The following PKP4 variants were observed in gnomAD, a reference collection of about 807,000 sequenced individuals.
PKP4 encodes the protein plakophilin 4, also known as plakophilin-4.
PKP4 carries 90 observed loss-of-function variants against 145.1 expected under a neutral mutation model. The ratio of observed to expected loss-of-function variants is 0.62; its 90% confidence interval spans 0.52 to 0.74. The LOEUF is 0.74. PKP4 is among the 30% of genes least tolerant of loss of function. The probability of loss-of-function intolerance (pLI) is 0.00; values close to 1 mark genes in which losing one functional copy is unlikely to be tolerated. For missense variants in PKP4, 1,340 were observed against 1,482.7 expected, an observed-to-expected ratio of 0.90 and a Z score of 1.58; for synonymous variants, 563 against 577.2, an observed-to-expected ratio of 0.98 and a Z score of 0.35.
chr2:158,512,404 T>C (rs541700872), intron 1 of PKP4, among the ~76,000 whole-genome samples: 5 of 152,336 alleles, frequency 3.3e-5, no homozygotes, highest in African/African-American at 1.2e-4. Context: ...ATACAGTGCA[T>C]GAGCACAGCC....
At chr2:158,461,043 A>T (rs1205236801) in intron 1 of PKP4, among the ~76,000 whole-genome samples, 1 of 152,238 alleles carries the variant, frequency 6.6e-6, no homozygotes, top group Non-Finnish European at 1.5e-5. Flanking sequence ...TCAGCAGGTC[A>T]GTTCGATGCT....
chr2:158,625,180 A>C lies in PKP4; in HGVS notation c.906A>C (p.Pro302=), dbSNP rs753921796. ...GGCAGACCTCCAATCCCAACGGACCAACCCCTCAATACCAAACCACCGCCA... is the reference window on the plus strand; with the variant it reads ...GGCAGACCTCCAATCCCAACGGACCCACCCCTCAATACCAAACCACCGCCA... The part of the protein sequence containing the change: ...TSRQTSNPNG[P]TPQYQTTARV... Residue 302 remains proline (P), a synonymous_variant, in exon 7 of 22, where the codon CCA becomes CCC. Coordinates refer to ENST00000389759, the MANE Select transcript of PKP4 (RefSeq NM_003628.6). 1 of 1,614,100 alleles carries C rather than the reference A, an allele frequency of 6.2e-7. No individual in the cohort carries two copies. Among genetic ancestry groups the C allele is most frequent in the Admixed American group, 1.7e-5 (1 of 60,018 alleles).
At chr2:158,537,097 G>A (rs1046342843) in intron 2 of PKP4, among the ~76,000 whole-genome samples, 7 of 152,072 alleles carry the variant, frequency 4.6e-5, no homozygotes, top group African/African-American at 1.7e-4. Flanking sequence ...ACCAACTTGC[G>A]GTTTTATTAA....
chr2:158,519,145 C>CT (rs200077006), intron 1 of PKP4, among the ~76,000 whole-genome samples: 12,654 of 145,582 alleles, frequency 0.087, 713 homozygotes, highest in Middle Eastern at 0.21. Context: ...AAATCTCTCT[C>CT]TTTTTTTTTT....
At chr2:158,636,044 TGTGA>T (rs1398634036) in intron 9 of PKP4, among the ~76,000 whole-genome samples, 1 of 152,182 alleles carries the variant, frequency 6.6e-6, no homozygotes, top group Non-Finnish European at 1.5e-5. Flanking sequence ...AAAGGAAATC[TGTGA>T]GTTTTTTTAT....
rs562554933 is a variant in PKP4, at chr2:158,457,216, A to C, written c.-8A>C. On this transcript the variant is annotated splice_region_variant and 5_prime_UTR_variant, in exon 1 of 22. Coordinates refer to ENST00000389759, the MANE Select transcript of PKP4 (RefSeq NM_003628.6). ...CGACGACGGCCGCTGCCTAAGCTGG[A>C]AAGTAAGTGTGTGGGCTCGCGGGAG... is the stretch of plus-strand genomic sequence containing the variant. The C allele has an allele frequency of 2.1e-3, 318 of 151,410 alleles. 1 individual carries two copies. Among genetic ancestry groups the C allele is most frequent in the African/African-American group, 6.9e-3 (286 of 41,224 alleles). 9.4% of individuals were successfully genotyped at this position (151,410 alleles called of 1,614,324 possible).
intron 2 of PKP4, among the ~76,000 whole-genome samples, chr2:158,560,994 G>T (rs1213361532): frequency 6.6e-6 from 1 of 152,192 alleles, no homozygotes; most frequent in Non-Finnish European, 1.5e-5. Flanking sequence ...GTGGCCTACC[G>T]GCTGAATCTG....
chr2:158,548,822 AC>A, intron 2 of PKP4: 2 of 233,696 alleles, frequency 8.6e-6, no homozygotes, highest in South Asian at 5.5e-5. Flanking sequence ...CCATTAAGAG[AC>A]CACCTGTCCT....
At chr2:158,489,350 A>G (rs769452251) in intron 1 of PKP4, among the ~76,000 whole-genome samples, 12 of 152,168 alleles carry the variant, frequency 7.9e-5, no homozygotes, top group Admixed American at 1.3e-4. Flanking sequence ...AATCATTTCA[A>G]GTTTGTGTCC....
At position 158,525,839 on chromosome 2, in the gene PKP4, G is replaced by A. The variant is rs920185572; in HGVS notation, c.-5-7341G>A. ...CCCACAGAAATACAAACTACCATCA[G>A]AGAATACTACAAACACCTCTACGCA... is the stretch of plus-strand genomic sequence containing the variant. On this transcript the variant is annotated intron_variant, in intron 1 of 21. Coordinates refer to ENST00000389759, the MANE Select transcript of PKP4 (RefSeq NM_003628.6). Among the ~76,000 whole-genome samples, 1,291 of 147,628 alleles carry A rather than the reference G, an allele frequency of 8.7e-3. 21 individuals are homozygous for A. The highest frequency in any genetic ancestry group is 0.03 in the African/African-American group (1,185 of 39,906).
intron 7 of PKP4, among the ~76,000 whole-genome samples, chr2:158,626,938 G>A (rs1296981173): frequency 6.6e-6 from 1 of 151,824 alleles, no homozygotes; most frequent in Admixed American, 6.6e-5. Context: ...TTTCATTTTG[G>A]TTTTAATTTA....
chr2:158,601,899 G>C (rs890874071), intron 3 of PKP4, among the ~76,000 whole-genome samples: 8 of 152,064 alleles, frequency 5.3e-5, no homozygotes, highest in African/African-American at 1.9e-4. Context: ...GCACTAAAAG[G>C]ACGGTTCTTC....
chr2:158,615,198 A>AT (rs36018037), intron 4 of PKP4, among the ~76,000 whole-genome samples: 7 of 151,566 alleles, frequency 4.6e-5, no homozygotes, highest in African/African-American at 1.2e-4. Flanking sequence ...ATATTTGGTA[A>AT]TTTTTTTTCC....
At chr2:158,521,554 C>T (rs2042374266) in intron 1 of PKP4, among the ~76,000 whole-genome samples, 1 of 152,148 alleles carries the variant, frequency 6.6e-6, no homozygotes, top group Non-Finnish European at 1.5e-5. Context: ...TATGAACCGC[C>T]TGATTAGAAG....
chr2:158,570,140 AT>A (rs913316699), intron 2 of PKP4, among the ~76,000 whole-genome samples: 1 of 152,208 alleles, frequency 6.6e-6, no homozygotes, highest in African/African-American at 2.4e-5. Flanking sequence ...TGGTCAGGAC[AT>A]TTGATTATCT....
chr2:158,508,389 G>GAAAAAAAAAAAAAAA, intron 1 of PKP4, among the ~76,000 whole-genome samples: 1 of 42,582 alleles, frequency 2.3e-5, no homozygotes, highest in Non-Finnish European at 3.4e-5. Context: ...AAAAAAAAAA[G>GAAAAAAAAAAAAAAA]AAGAAGAAGA....
chr2:158,514,494 G>T (rs2041775155), intron 1 of PKP4, among the ~76,000 whole-genome samples: 2 of 152,208 alleles, frequency 1.3e-5, no homozygotes, highest in Non-Finnish European at 2.9e-5. Flanking sequence ...TGGAATAAAG[G>T]AGACTGAGAG....
intron 11 of PKP4, among the ~76,000 whole-genome samples, chr2:158,654,138 G>A (rs16843172): frequency 0.011 from 1,688 of 152,286 alleles, 30 homozygotes; most frequent in African/African-American, 0.038. Flanking sequence ...GGAATAGAAA[G>A]TGAGGAAGAA....
intron 3 of PKP4, among the ~76,000 whole-genome samples, chr2:158,592,948 C>A (rs553044794): frequency 1.3e-5 from 2 of 152,156 alleles, no homozygotes; most frequent in South Asian, 4.2e-4. Context: ...AATGCTGTGC[C>A]CAGTCTCACA....
Sources: allele counts gnomAD v4.1 joint callset (sites outside exome capture counted in the v4.1 genomes callset), GRCh38; gene constraint gnomAD v4.1.1; transcripts MANE v1.5; gene names NCBI Gene and HGNC (gene_info 2026-07-23, HGNC 2026-07-21).